SUGCT: variants seen among roughly 807,000 people sequenced by gnomAD.
SUGCT encodes the protein succinyl-CoA:glutarate-CoA transferase.
SUGCT carries 41 observed loss-of-function variants against 55.0 expected under a neutral mutation model. The ratio of observed to expected loss-of-function variants is 0.74; its 90% CI spans 0.58 to 0.97. The LOEUF is 0.97. SUGCT is among the 50% of genes least tolerant of loss of function. The pLI is 0.00. For synonymous variants in SUGCT, 187 were observed against 200.4 expected (o/e 0.93, Z 0.56); for missense variants, 568 against 547.8 (o/e 1.04, Z -0.37).
intron 9 of SUGCT, among the ~76,000 whole-genome samples, chr7:40,360,555 G>A (rs879415030): frequency 1.3e-5 from 2 of 152,170 alleles, no homozygotes; most frequent in Non-Finnish European, 2.9e-5. Context: ...TGAAGGTGGT[G>A]ATGGATGCAG....
chr7:40,527,852 A>C (rs543179552), intron 12 of SUGCT, among the ~76,000 whole-genome samples: 2 of 152,188 alleles, frequency 1.3e-5, no homozygotes, highest in African/African-American at 4.8e-5. Context: ...ATGCATGCCA[A>C]CTCTAAATAT....
the SUGCT span, among the ~76,000 whole-genome samples, chr7:41,010,773 T>C: frequency 2.0e-5 from 3 of 152,100 alleles, no homozygotes; most frequent in Admixed American, 6.6e-5. Context: ...ACCCATTAAA[T>C]AAATTAGTTG....
chr7:40,953,852 G>A, the SUGCT span, among the ~76,000 whole-genome samples: 8 of 152,234 alleles, frequency 5.3e-5, no homozygotes, highest in African/African-American at 1.9e-4. Context: ...TGAAGTATCA[G>A]TCTGCCCCTA....
chr7:40,243,232 A>C (rs1789585177), intron 7 of SUGCT, among the ~76,000 whole-genome samples: 1 of 151,804 alleles, frequency 6.6e-6, no homozygotes. Context: ...GACATATGTG[A>C]TATGTGTTCT....
At chr7:40,332,530 G>A (rs1796379005) in intron 9 of SUGCT, among the ~76,000 whole-genome samples, 1 of 150,100 alleles carries the variant, frequency 6.7e-6, no homozygotes, top group African/African-American at 2.5e-5. Flanking sequence ...AGAAACTTTA[G>A]AAGGGGTGTG....
intron 12 of SUGCT, among the ~76,000 whole-genome samples, chr7:40,563,267 A>T (rs184070560): frequency 2.0e-5 from 3 of 152,210 alleles, no homozygotes; most frequent in East Asian, 3.9e-4. Flanking sequence ...AGCTATTTTC[A>T]TCTTGCCTGC....
chr7:40,448,801 A>G (rs1413318447), intron 9 of SUGCT, among the ~76,000 whole-genome samples: 2 of 152,114 alleles, frequency 1.3e-5, no homozygotes, highest in Non-Finnish European at 2.9e-5. Context: ...AGATCGTGCC[A>G]TTGCATTCCA....
At chr7:40,951,665 G>A in the SUGCT span, among the ~76,000 whole-genome samples, 12 of 151,864 alleles carry the variant, frequency 7.9e-5, no homozygotes, top group South Asian at 2.1e-4. Context: ...CTTTGTTCTC[G>A]TTGGTTTCAA....
At chr7:40,174,168 G>A (rs1784813633) in intron 1 of SUGCT, among the ~76,000 whole-genome samples, 1 of 152,148 alleles carries the variant, frequency 6.6e-6, no homozygotes, top group African/African-American at 2.4e-5. Context: ...GATTACAGGT[G>A]TGCGCCACCA....
At chr7:40,299,611 A>G (rs1794400722) in intron 8 of SUGCT, among the ~76,000 whole-genome samples, 1 of 151,546 alleles carries the variant, frequency 6.6e-6, no homozygotes, top group Non-Finnish European at 1.5e-5. Context: ...TGATTTTTTT[A>G]TATAAAATCT....
At chr7:40,622,931 G>C (rs1000474542) in intron 12 of SUGCT, among the ~76,000 whole-genome samples, 1 of 152,162 alleles carries the variant, frequency 6.6e-6, no homozygotes, top group African/African-American at 2.4e-5. Context: ...GCTGTAGGGA[G>C]ACTTTTTCCT....
the SUGCT span, among the ~76,000 whole-genome samples, chr7:40,899,762 A>T: frequency 6.6e-6 from 1 of 152,200 alleles, no homozygotes; most frequent in African/African-American, 2.4e-5. Flanking sequence ...AGGAAAAAAA[A>T]CTTCAAACCT....
intron 9 of SUGCT, among the ~76,000 whole-genome samples, chr7:40,384,760 G>GT (rs1583567681): frequency 1.4e-4 from 1 of 7,364 alleles, no homozygotes; most frequent in East Asian, 8.1e-4. Flanking sequence ...GGCCAGGCTG[G>GT]TTTTGAATGC....
chr7:40,948,696 C>T, the SUGCT span, among the ~76,000 whole-genome samples: 3 of 150,308 alleles, frequency 2.0e-5, no homozygotes, highest in African/African-American at 7.3e-5. Context: ...TTAGTGAGAA[C>T]ATGCCGTGTT....
intron 11 of SUGCT, among the ~76,000 whole-genome samples, chr7:40,489,337 C>G (rs1562812846): frequency 6.6e-6 from 1 of 151,462 alleles, no homozygotes; most frequent in Non-Finnish European, 1.5e-5. Context: ...TTACATTTCT[C>G]TGATATTTGT....
At chr7:40,684,177 A>C in intron 12 of SUGCT, 1 of 1,548,142 alleles carries the variant, frequency 6.5e-7, no homozygotes, top group Non-Finnish European at 8.7e-7. Context: ...TCCTGCAGCC[A>C]GGAAAGGATA....
the SUGCT span, among the ~76,000 whole-genome samples, chr7:40,917,233 A>G: frequency 6.6e-6 from 1 of 152,354 alleles, no homozygotes; most frequent in East Asian, 1.9e-4. Flanking sequence ...GACTCTTCTA[A>G]TCATTATAAA....
chr7:40,219,069 C>T (rs924238831), intron 6 of SUGCT, among the ~76,000 whole-genome samples: 3 of 152,186 alleles, frequency 2.0e-5, no homozygotes, highest in Non-Finnish European at 2.9e-5. Context: ...CAGCTTCACT[C>T]CTGAAGCCAG....
chr7:40,658,338 T>C (rs77750218), intron 12 of SUGCT, among the ~76,000 whole-genome samples: 21,974 of 152,190 alleles, frequency 0.14, 1,854 homozygotes, highest in Middle Eastern at 0.2. Flanking sequence ...CCTTCCCCCT[T>C]TCCGTCTCTT....
Sources: allele counts gnomAD v4.1 joint callset (sites outside exome capture counted in the v4.1 genomes callset), GRCh38; gene constraint gnomAD v4.1.1; transcripts MANE v1.5; gene names NCBI Gene and HGNC (gene_info 2026-07-23, HGNC 2026-07-21).